PARVB: variants seen among roughly 807,000 people sequenced by gnomAD.
The protein encoded by PARVB is beta-parvin.
A neutral mutation model predicts 47.0 loss-of-function variants in PARVB; 46 were observed. The ratio of observed to expected loss-of-function variants is 0.98; its 90% CI spans 0.77 to 1.25. PARVB has a LOEUF of 1.25. PARVB is among the 50% of genes most tolerant of loss of function. The probability of loss-of-function intolerance (pLI) is 0.00; values close to 1 mark genes in which losing one functional copy is unlikely to be tolerated. For synonymous variants in PARVB, 196 were observed against 196.3 expected (o/e 1.00, Z 0.01); for missense variants, 473 against 471.6 (o/e 1.00, Z -0.03).
intron 3 of PARVB, among the ~76,000 whole-genome samples, chr22:44,117,928 C>T (rs1446129811): frequency 6.6e-6 from 1 of 152,154 alleles, no homozygotes; most frequent in Admixed American, 6.5e-5. Flanking sequence ...GCAGGATTGG[C>T]CAGGTGGAAT....
Position 44,024,327 on chromosome 22 carries a change from C to A in PARVB, c.-13C>A. 9.6e-7 allele frequency: 1 copy of A among 1,040,976 alleles called. No homozygotes were observed. Among genetic ancestry groups the A allele is most frequent in the Non-Finnish European group, 1.2e-6 (1 of 865,530 alleles). 64.5% of individuals were successfully genotyped at this position (1,040,976 alleles called of 1,614,324 possible). On this transcript the variant is annotated 5_prime_UTR_variant, in exon 1 of 13. Transcript: ENST00000338758. ...ACACGCGCTGCGCCCGCCGCCGGCC[C>A]CACGCGCGGCCCATGTCCTCCGCGC...
At chr22:44,071,172 C>G (rs1003300875) in intron 1 of PARVB, among the ~76,000 whole-genome samples, 3 of 152,148 alleles carry the variant, frequency 2.0e-5, no homozygotes, top group Non-Finnish European at 4.4e-5. Flanking sequence ...TTAGCAGAGT[C>G]AAGACTCTGA....
chr22:44,124,860 A>G (rs1007148270), intron 4 of PARVB, among the ~76,000 whole-genome samples: 1 of 152,162 alleles, frequency 6.6e-6, no homozygotes, highest in African/African-American at 2.4e-5. Flanking sequence ...GGACTGCCAC[A>G]AGGATGTGAA....
chr22:44,161,933 C>T (rs2054062729), intron 11 of PARVB, among the ~76,000 whole-genome samples: 1 of 152,218 alleles, frequency 6.6e-6, no homozygotes, highest in Non-Finnish European at 1.5e-5. Context: ...GGGTGTCTGC[C>T]ATGTGGCCCA....
intron 2 of PARVB, among the ~76,000 whole-genome samples, chr22:44,003,592 C>G (rs2050434389): frequency 6.6e-6 from 1 of 152,172 alleles, no homozygotes; most frequent in African/African-American, 2.4e-5. Context: ...CCCTTTCTTT[C>G]CATTCCCACA....
At chr22:44,048,068 T>C (rs138703638) in intron 1 of PARVB, among the ~76,000 whole-genome samples, 27 of 152,000 alleles carry the variant, frequency 1.8e-4, no homozygotes, top group South Asian at 4.2e-4. Flanking sequence ...AGCTTTGCAG[T>C]TGGAGAGGAT....
rs1396961406 is a variant in PARVB, at chr22:44,068,725, G to C, written c.113-25203G>C. ...AGACCCAGCTCCGTGCCAGCTTGCA[G>C]ACCCCCAATCACTTCTCCTGTCTCA... On this transcript the variant is annotated intron_variant, in intron 1 of 12. Coordinates refer to ENST00000338758, the MANE Select transcript of PARVB (RefSeq NM_013327.5). The surrounding 1 kb of genome is among the most constrained non-coding windows in gnomAD (Gnocchi z 4.1). Among the ~76,000 whole-genome samples, 1 of 152,210 alleles carries C rather than the reference G, an allele frequency of 6.6e-6. No homozygotes were observed. Among genetic ancestry groups the C allele is most frequent in the Non-Finnish European group, 1.5e-5 (1 of 68,036 alleles).
At chr22:44,073,324 C>G (rs555818798) in intron 1 of PARVB, among the ~76,000 whole-genome samples, 4 of 152,176 alleles carry the variant, frequency 2.6e-5, no homozygotes, top group African/African-American at 4.8e-5. Flanking sequence ...CGAAACCCGT[C>G]TCTATTAAAA....
intron 2 of PARVB, among the ~76,000 whole-genome samples, chr22:44,004,048 A>C (rs750779068): frequency 3.9e-5 from 6 of 152,222 alleles, no homozygotes; most frequent in Admixed American, 1.3e-4. Context: ...GGAAGCCTCT[A>C]GAACAGGATG....
At chr22:44,092,497 C>T (rs1421529608) in intron 1 of PARVB, among the ~76,000 whole-genome samples, 6 of 152,090 alleles carry the variant, frequency 3.9e-5, no homozygotes, top group Non-Finnish European at 5.9e-5. Flanking sequence ...AGCTGAATAT[C>T]GGCCTTTGCT....
intron 1 of PARVB, among the ~76,000 whole-genome samples, chr22:44,084,683 C>T (rs1441725302): frequency 2.6e-5 from 4 of 152,332 alleles, no homozygotes; most frequent in Non-Finnish European, 5.9e-5. Flanking sequence ...GGGATGGGAC[C>T]GTGCAGGACT....
chr22:44,097,813 C>T (rs756945476), intron 2 of PARVB, among the ~76,000 whole-genome samples: 3 of 152,206 alleles, frequency 2.0e-5, no homozygotes, highest in Non-Finnish European at 2.9e-5. Context: ...GGAGATGCCT[C>T]TGAGAAAGTG....
Position 44,049,547 on chromosome 22 carries a change from G to A in PARVB, c.112+25096G>A, listed in dbSNP as rs180754933. ...ATGCACTGCGTGCAGGCTGCGGCTC[G>A]AGGTCAATCAGATTCCTCCAGCGAT... is the stretch of plus-strand genomic sequence containing the variant. On this transcript the variant is annotated intron_variant, in intron 1 of 12. Transcript: ENST00000338758. The surrounding 1 kb of genome is among the most constrained non-coding windows in gnomAD (Gnocchi z 4.0). Among the ~76,000 whole-genome samples, 176 of 152,350 alleles carry A rather than the reference G, an allele frequency of 1.2e-3. 2 individuals are homozygous for A. Among genetic ancestry groups the A allele is most frequent in the African/African-American group, 3.8e-3 (159 of 41,586 alleles).
rs79210992 is a variant in PARVB at position 44,011,844 on chromosome 22, C to T, written c.211+12171C>T. On this transcript the variant is annotated intron_variant, in intron 2 of 13. Transcript: ENST00000406477. ...GTTCTCCCCTACCCCCGTCATCATT[C>T]TCTCCTTCATCCAAAACACCACTCT... Among the ~76,000 whole-genome samples, 775 of 152,274 alleles carry T rather than the reference C, an allele frequency of 5.1e-3. 6 individuals carry two copies. The highest frequency in any genetic ancestry group is 8.7e-3 in the Non-Finnish European group (591 of 68,034).
At chr22:44,112,459 C>G (rs1328718724) in intron 3 of PARVB, 1 of 152,872 alleles carries the variant, frequency 6.5e-6, no homozygotes, top group Non-Finnish European at 1.5e-5. Flanking sequence ...CAGGGTTCCT[C>G]CTGGCTGTCC....
intron 3 of PARVB, chr22:44,115,994 T>A (rs1216737618): frequency 6.6e-6 from 1 of 152,396 alleles, no homozygotes; most frequent in Non-Finnish European, 1.5e-5. Context: ...CCAACACGGA[T>A]ACATCCCATT....
At chr22:44,082,824 C>T (rs181725234) in intron 1 of PARVB, among the ~76,000 whole-genome samples, 10 of 152,284 alleles carry the variant, frequency 6.6e-5, no homozygotes, top group African/African-American at 2.2e-4. Flanking sequence ...TGTTTCTGGG[C>T]CAAGGGAATC....
At chr22:44,080,137 G>C (rs1259637729) in intron 1 of PARVB, among the ~76,000 whole-genome samples, 3 of 152,310 alleles carry the variant, frequency 2.0e-5, no homozygotes, top group Middle Eastern at 3.4e-3. Flanking sequence ...GGGGGCACCC[G>C]GTGTGGAGCA....
chr22:44,091,596 T>C (rs1434806214), intron 1 of PARVB, among the ~76,000 whole-genome samples: 1 of 152,224 alleles, frequency 6.6e-6, no homozygotes, highest in East Asian at 1.9e-4. Context: ...GTGTCTGGCT[T>C]ATTTCACTGA....
Sources: allele counts gnomAD v4.1 joint callset (sites outside exome capture counted in the v4.1 genomes callset), GRCh38; gene constraint gnomAD v4.1.1; non-coding constraint Gnocchi (gnomAD v3.1); transcripts MANE v1.5; gene names NCBI Gene and HGNC (gene_info 2026-07-23, HGNC 2026-07-21).